LDHD: variants seen among roughly 807,000 people sequenced by gnomAD.
LDHD encodes the protein D-lactate dehydrogenase, mitochondrial.
In LDHD, 58 loss-of-function variants were observed where a neutral mutation model predicts 52.9. The ratio of observed to expected loss-of-function variants is 1.10; its 90% CI spans 0.89 to 1.36. The LOEUF is 1.36. LDHD is among the 40% of genes most tolerant of loss of function. The pLI is 0.00. For synonymous variants in LDHD, 350 were observed against 288.6 expected (o/e 1.21, Z -2.16); for missense variants, 747 against 668.0 (o/e 1.12, Z -1.30).
At chr16:75,115,432 G>C in intron 2 of LDHD, 93 bp from the exon 3 acceptor site, 2 of 1,591,510 alleles carry the variant, frequency 1.3e-6, no homozygotes, top group East Asian at 2.2e-5. Context: ...GAGGGGCAGA[G>C]AACATGCCAG....
intron 2 of LDHD, 78 bp from the exon 3 acceptor site, chr16:75,115,417 C>T: frequency 1.2e-6 from 2 of 1,600,114 alleles, no homozygotes; most frequent in Non-Finnish European, 1.7e-6. Flanking sequence ...GAGGCTACAG[C>T]AAGCGAGGGG....
At chr16:75,114,300 C>T in intron 5 of LDHD, 135 bp from the exon 6 acceptor site, 1 of 1,522,628 alleles carries the variant, frequency 6.6e-7, no homozygotes, top group Non-Finnish European at 8.8e-7. Context: ...CCCAGTTTCC[C>T]TGGCCCAGTG....
chr16:75,113,470 G>A (rs148885509), intron 8 of LDHD, 65 bp downstream of exon 8: 2 of 1,530,276 alleles, frequency 1.3e-6, no homozygotes, highest in African/African-American at 1.4e-5. Flanking sequence ...CAGTAGAGTG[G>A]TGGGTTGAGG....
chr16:75,112,414 C>T lies in LDHD; in HGVS notation c.1397G>A (p.Arg466Gln), dbSNP rs765961139. The T allele has an allele frequency of 8.7e-6, 14 of 1,613,398 alleles. No homozygotes were observed. The highest frequency in any genetic ancestry group is 1.1e-5 in the Non-Finnish European group (13 of 1,180,026). The part of the protein sequence containing the change: ...EVGAVGVETM[R>Q]QLKAVLDPQG... ...GGGGTCTAGCACGGCCTTGAGCTGC[C>T]GCATGGTCTCCACGCCCACGGCGCC... Residue 466 changes from arginine (R) to glutamine (Q), a missense_variant, in exon 11 of 11, where the codon CGG (arginine) becomes CAG (glutamine). By Grantham distance (43) the Arg-to-Gln change is conservative. Coordinates refer to ENST00000450168, the MANE Select transcript of LDHD (RefSeq NM_194436.3).
Position 75,113,638 on chromosome 16 carries a change from G to C in LDHD, c.983C>G (p.Ala328Gly). ...CTCCTTGGCCCAGGAGAAGTCAGAG[G>C]CTCCGTTCTGCTGGACTATCTCCTC... ...RTEEIVQQNG[A>G]SDFSWAKEAE... is the part of the protein sequence containing the mutation. The change falls in exon 8 of 11, where the codon GCC becomes GGC. Residue 328 changes from alanine to glycine, a missense_variant. By Grantham distance (60) the Ala-to-Gly change is moderately conservative. Coordinates refer to ENST00000450168, the MANE Select transcript of LDHD (RefSeq NM_194436.3). 1 of 1,613,346 alleles carries C rather than the reference G, an allele frequency of 6.2e-7. No homozygotes were observed. Among genetic ancestry groups the C allele is most frequent in the Non-Finnish European group, 8.5e-7 (1 of 1,179,986 alleles).
chr16:75,114,437 G>A, intron 5 of LDHD, 89 bp downstream of exon 5: 1 of 1,393,234 alleles, frequency 7.2e-7, no homozygotes, highest in African/African-American at 1.4e-5. Context: ...GGGGCCGCCA[G>A]GAGGTGCTTT....
intron 8 of LDHD, 87 bp from the exon 9 acceptor site, chr16:75,113,011 A>G (rs2036443549): frequency 2.2e-6 from 2 of 919,780 alleles, no homozygotes; most frequent in Admixed American, 3.9e-5. Context: ...GTCGGAGGGC[A>G]CTGGGCTTCA....
rs1359062261 is a variant in LDHD at position 75,115,129 on chromosome 16, G to A, written c.327+69C>T. ...ACCCAAGGTGCCGTGTGTGGCGGGG[G>A]AGGCAGCCACAGGTGTGCCAAGGTG... On this transcript the variant is annotated intron_variant, in intron 3 of 10. Coordinates refer to ENST00000450168, the MANE Select transcript of LDHD (RefSeq NM_194436.3). 7 of 1,550,754 alleles carry A rather than the reference G, an allele frequency of 4.5e-6. No homozygotes were observed. In the East Asian group the frequency reaches 1.4e-4, roughly 30 times the overall value.
chr16:75,115,278 C>A lies in LDHD; in HGVS notation c.247G>T (p.Ala83Ser). Residue 83 changes from alanine to serine, a missense_variant, in exon 3 of 11, where the codon GCC becomes TCC. Coordinates refer to ENST00000450168, the MANE Select transcript of LDHD (RefSeq NM_194436.3). ...QNVEQVSRLA[A>S]LCYRQGVPII... ...GGCACACCTTGGCGATAGCACAGGG[C>A]TGCCAGCCGGCTGACCTGCTCCACG... The A allele has an allele frequency of 6.2e-7, 1 of 1,613,560 alleles. No homozygotes were observed. Among genetic ancestry groups the A allele is most frequent in the Non-Finnish European group, 8.5e-7 (1 of 1,180,016 alleles).
intron 1 of LDHD, 143 bp from the exon 2 acceptor site, chr16:75,115,803 G>A: frequency 1.8e-6 from 1 of 570,010 alleles, no homozygotes; most frequent in Non-Finnish European, 3.1e-6. Context: ...TCCTTGCCAG[G>A]TGGGCCCACT....
At chr16:75,116,603 G>T in intron 1 of LDHD, 46 bp downstream of exon 1, 3 of 1,515,576 alleles carry the variant, frequency 2.0e-6, no homozygotes, top group Non-Finnish European at 2.7e-6. Context: ...CCTGCTCCCC[G>T]CTCCCCACCT....
rs115212994 is a variant in LDHD, at chr16:75,114,373, T to C, written c.629+153A>G. ...AGAGCAAACCCTGGTCCCATCCACT[T>C]TGGCCCAGCTGACAGGGCTTCAGAG... On this transcript the variant is annotated intron_variant, in intron 5 of 10. Coordinates refer to ENST00000450168, the MANE Select transcript of LDHD (RefSeq NM_194436.3). The C allele has an allele frequency of 1.5e-3, 2,133 of 1,376,274 alleles. 27 individuals are homozygous for C. In the African/African-American group the frequency reaches 0.028, roughly 18 times the overall value. 85.3% of individuals were successfully genotyped at this position (1,376,274 alleles called of 1,614,324 possible). A position where few individuals can be genotyped will look rare whatever the true frequency, so the allele number is the denominator to read the frequency against.
At chr16:75,116,319 A>G (rs774745027) in intron 1 of LDHD, among the ~76,000 whole-genome samples, 24 of 151,960 alleles carry the variant, frequency 1.6e-4, no homozygotes, top group Non-Finnish European at 3.5e-4. Context: ...GTTTCTTCCC[A>G]TTTTACAGAT....
At chr16:75,116,272 C>T (rs2036554088) in intron 1 of LDHD, among the ~76,000 whole-genome samples, 1 of 152,264 alleles carries the variant, frequency 6.6e-6, no homozygotes, top group East Asian at 1.9e-4. Context: ...CTTCTGGGCC[C>T]TTCGTGGGGG....
At chr16:75,113,422 C>T (rs765730777) in intron 8 of LDHD, 113 bp downstream of exon 8, 26 of 1,338,498 alleles carry the variant, frequency 1.9e-5, no homozygotes, top group Non-Finnish European at 2.6e-5. Context: ...CTCAGCCAGG[C>T]CCAGCCCCGT....
intron 5 of LDHD, 43 bp downstream of exon 5, chr16:75,114,483 G>T (rs1282407838): frequency 6.9e-7 from 1 of 1,456,990 alleles, no homozygotes; most frequent in South Asian, 1.4e-5. Flanking sequence ...CCCGCCAGCA[G>T]TGCCCAGGGC....
intron 8 of LDHD, among the ~76,000 whole-genome samples, chr16:75,113,252 A>C (rs1014563617): frequency 2.6e-5 from 4 of 152,124 alleles, no homozygotes; most frequent in African/African-American, 9.7e-5. Context: ...TCCTCCAGGA[A>C]GCCTTCCTTC....
intron 4 of LDHD, 48 bp from the exon 5 acceptor site, chr16:75,114,733 C>G (rs1446776417): frequency 6.4e-7 from 1 of 1,552,206 alleles, no homozygotes; most frequent in African/African-American, 1.4e-5. Flanking sequence ...GAGGTCCTTT[C>G]CCTCGGGCTG....
chr16:75,112,123 A>G lies in LDHD; in HGVS notation c.*233T>C. 1.8e-6 allele frequency: 1 copy of G among 544,100 alleles called. No individual in the cohort carries two copies. 33.7% of individuals were successfully genotyped at this position (544,100 alleles called of 1,614,324 possible). A position where few individuals can be genotyped will look rare whatever the true frequency, so the allele number is the denominator to read the frequency against. The stretch of plus-strand genomic sequence containing the variant: ...AGAGGAAGCAGCTTTGCTGGGAACC[A>G]CCCTGGGTCGTTTACTGAACCAAAG... On this transcript the variant is annotated 3_prime_UTR_variant, in exon 11 of 11. Coordinates refer to ENST00000450168, the MANE Select transcript of LDHD (RefSeq NM_194436.3).
Sources: gnomAD v4.1 joint callset for allele counts (sites outside exome capture counted in the v4.1 genomes callset) on GRCh38, gnomAD v4.1.1 for gene constraint, MANE v1.5 for transcripts, NCBI Gene and HGNC (gene_info 2026-07-23, HGNC 2026-07-21) for gene names.